The following SLC29A3 variants were observed in gnomAD, a reference collection of about 807,000 sequenced individuals.
The protein encoded by SLC29A3 is solute carrier family 29 member 3, also known as equilibrative nucleoside transporter 3.
In SLC29A3, 18 loss-of-function variants were observed where a neutral mutation model predicts 25.4. That is an observed-to-expected ratio of 0.71 (90% CI 0.49 to 1.05). The LOEUF (loss-of-function observed/expected upper bound fraction) is 1.05. Ranked by LOEUF, SLC29A3 falls within the 50% of genes least tolerant of loss-of-function variation. SLC29A3 has a pLI of 0.00. For missense variants in SLC29A3, 586 were observed against 609.0 expected (o/e 0.96, Z 0.40); for synonymous variants, 258 against 267.1 (o/e 0.97, Z 0.33).
chr10:71,362,681 C>A lies in SLC29A3; in HGVS notation c.*73C>A. On this transcript the variant is annotated 3_prime_UTR_variant, in exon 6 of 6. Coordinates refer to ENST00000373189, the MANE Select transcript of SLC29A3 (RefSeq NM_018344.6). ...AAGAGAGTGCAGGAGGGCTGGGGGC[C>A]ATGGAGGAAAGGCCTAAAGTTTCAC... 6.3e-7 allele frequency: 1 copy of A among 1,598,148 alleles called. No homozygotes were observed.
intron 2 of SLC29A3, among the ~76,000 whole-genome samples, chr10:71,341,100 A>G (rs1162681416): frequency 1.3e-5 from 2 of 151,956 alleles, no homozygotes; most frequent in Admixed American, 6.6e-5. Context: ...CCTGCCTCTC[A>G]TTGGTTAAAG....
In SLC29A3 at chr10:71,351,601, C is replaced by T; in HGVS notation, c.423C>T (p.Val141=). ...TCCGTGTCCTGGCCTCACTGACGGT[C>T]ATCCTGGCCATCTTCATGGTGATAA... ...VHIRVLASLT[V]ILAIFMVITA... The change falls in exon 4 of 6, where the codon GTC becomes GTT. Residue 141 remains valine (V), a synonymous_variant. Transcript: ENST00000373189. 1 of 1,614,236 alleles carries T rather than the reference C, an allele frequency of 6.2e-7. No individual in the cohort carries two copies. Among genetic ancestry groups the T allele is most frequent in the Non-Finnish European group, 8.5e-7 (1 of 1,180,050 alleles).
In SLC29A3 at chr10:71,319,276, G is replaced by A; in HGVS notation, c.-34G>A. The A allele has an allele frequency of 3.2e-6, 2 of 622,068 alleles. No individual in the cohort carries two copies. Among genetic ancestry groups the A allele is most frequent in the South Asian group, 1.7e-5 (1 of 58,514 alleles). The allele number at this position is 622,068 out of a possible 1,614,324, so 38.5% of individuals were successfully genotyped here. A position where few individuals can be genotyped will look rare whatever the true frequency, so the allele number is the denominator to read the frequency against. Reference sequence around the variant, plus strand: ...CCAAGCCCAGTGGTCCTGGCCGTGCGCCGGAGGCAGCGGCGGCGTGGCGCA... The same window carrying A: ...CCAAGCCCAGTGGTCCTGGCCGTGCACCGGAGGCAGCGGCGGCGTGGCGCA... On this transcript the variant is annotated 5_prime_UTR_variant, in exon 1 of 6. Transcript: ENST00000373189.
intron 5 of SLC29A3, among the ~76,000 whole-genome samples, chr10:71,356,911 A>T (rs1285644250): frequency 6.6e-6 from 1 of 152,206 alleles, no homozygotes; most frequent in Non-Finnish European, 1.5e-5. Flanking sequence ...TATTATTCCC[A>T]TGCACAGATT....
At chr10:71,319,633 C>T (rs1589218213) in intron 1 of SLC29A3, 1 of 327,876 alleles carries the variant, frequency 3.0e-6, no homozygotes. Context: ...TTCTCTCGGT[C>T]CCAGCTGCGG....
intron 2 of SLC29A3, among the ~76,000 whole-genome samples, chr10:71,337,770 C>T (rs1846290951): frequency 6.6e-6 from 1 of 152,224 alleles, no homozygotes; most frequent in Non-Finnish European, 1.5e-5. Flanking sequence ...TTTACCTGGA[C>T]TCTGAGCCTG....
At position 71,351,788 on chromosome 10, in the gene SLC29A3, G is replaced by A. The variant is rs1475254274; in HGVS notation, c.610G>A (p.Gly204Arg). The change falls in exon 4 of 6, where the codon GGA becomes AGA. Residue 204 changes from glycine (G) to arginine (R), a missense_variant and splice_region_variant. Transcript: ENST00000373189. Reference sequence around the variant, plus strand: ...GAGGAACTCCCAGGCACTGATATCAGGTGAGAGCCAGGGTCCGGGCAGCTG... The same window carrying A: ...GAGGAACTCCCAGGCACTGATATCAAGTGAGAGCCAGGGTCCGGGCAGCTG... ...PMRNSQALIS[G>R]GAMGGTVSAV... is the part of the protein sequence containing the mutation. 2.5e-6 allele frequency: 4 copies of A among 1,609,666 alleles called. No homozygotes were observed. Among genetic ancestry groups the A allele is most frequent in the Admixed American group, 1.7e-5 (1 of 59,686 alleles).
intron 2 of SLC29A3, among the ~76,000 whole-genome samples, chr10:71,327,640 G>A (rs1767380099): frequency 6.6e-6 from 1 of 152,116 alleles, no homozygotes; most frequent in East Asian, 1.9e-4. Context: ...GCATTGAGGT[G>A]GACAGATGAT....
intron 4 of SLC29A3, among the ~76,000 whole-genome samples, chr10:71,379,215 C>T (rs1312772583): frequency 6.6e-6 from 1 of 152,224 alleles, no homozygotes; most frequent in Non-Finnish European, 1.5e-5. Context: ...ATGTTTTGCT[C>T]TCTTGTCATT....
intron 2 of SLC29A3, among the ~76,000 whole-genome samples, chr10:71,343,582 C>A (rs1467287864): frequency 6.6e-6 from 1 of 152,174 alleles, no homozygotes; most frequent in East Asian, 1.9e-4. Flanking sequence ...AACAGAGTTT[C>A]CCTGTAGGGA....
intron 4 of SLC29A3, among the ~76,000 whole-genome samples, chr10:71,378,892 A>G (rs1847281100): frequency 6.6e-6 from 1 of 152,132 alleles, no homozygotes; most frequent in Non-Finnish European, 1.5e-5. Flanking sequence ...CTTCTAATAA[A>G]CGACTTGCAC....
intron 1 of SLC29A3, 88 bp from the exon 2 acceptor site, chr10:71,322,668 T>G: frequency 6.7e-7 from 1 of 1,500,534 alleles, no homozygotes; most frequent in Non-Finnish European, 9.2e-7. Flanking sequence ...GGCATGGTCA[T>G]TTTGTAGGCT....
intron 2 of SLC29A3, among the ~76,000 whole-genome samples, chr10:71,331,298 G>A (rs1209091422): frequency 6.6e-6 from 1 of 152,172 alleles, no homozygotes. Context: ...GCATCGTGGA[G>A]GATGGGGGGA....
At chr10:71,324,786 A>G (rs768272742) in intron 2 of SLC29A3, among the ~76,000 whole-genome samples, 3 of 152,008 alleles carry the variant, frequency 2.0e-5, no homozygotes, top group Non-Finnish European at 4.4e-5. Context: ...GGAATGAGGA[A>G]CTTGATCAGA....
chr10:71,351,508 C>T (rs1293594824), intron 3 of SLC29A3, 54 bp from the exon 4 acceptor site: 25 of 1,552,960 alleles, frequency 1.6e-5, no homozygotes, highest in Non-Finnish European at 1.8e-5. Flanking sequence ...CCAGCCCCAG[C>T]CCACACAGGA....
At chr10:71,331,630 T>C (rs747456238) in intron 2 of SLC29A3, among the ~76,000 whole-genome samples, 1 of 152,194 alleles carries the variant, frequency 6.6e-6, no homozygotes, top group African/African-American at 2.4e-5. Flanking sequence ...AAGGATTAAA[T>C]AGAATAAAAT....
chr10:71,360,134 C>CT lies in SLC29A3; in HGVS notation c.774-1793dup, dbSNP rs10532475. Among the ~76,000 whole-genome samples, 146 of 71,452 alleles carry CT rather than the reference C, an allele frequency of 2.0e-3. 9 individuals carry two copies. In the South Asian group the frequency reaches 0.028, roughly 14 times the overall value. 46.9% of individuals were successfully genotyped at this position (71,452 alleles called of 152,430 possible). A position where few individuals can be genotyped will look rare whatever the true frequency, so the allele number is the denominator to read the frequency against. On this transcript the variant is annotated intron_variant, in intron 5 of 5. Transcript: ENST00000373189. ...TGCTCCAGGAACCTGTCTTCTTCTT[C>CT]TTTTTTTTTTTTTTTTTTTTTTTTT...
At chr10:71,333,705 G>C (rs1409434909) in intron 2 of SLC29A3, among the ~76,000 whole-genome samples, 1 of 152,244 alleles carries the variant, frequency 6.6e-6, no homozygotes, top group Non-Finnish European at 1.5e-5. Context: ...TTCTTGAAAG[G>C]CCTTCTTCCT....
At chr10:71,350,278 C>T (rs1228304876) in intron 3 of SLC29A3, among the ~76,000 whole-genome samples, 1 of 149,198 alleles carries the variant, frequency 6.7e-6, no homozygotes, top group Non-Finnish European at 1.5e-5. Context: ...TGAAAAAATT[C>T]CTTTCTTGCT....
Sources: gnomAD v4.1 joint callset for allele counts (sites outside exome capture counted in the v4.1 genomes callset) on GRCh38, gnomAD v4.1.1 for gene constraint, MANE v1.5 for transcripts, NCBI Gene and HGNC (gene_info 2026-07-23, HGNC 2026-07-21) for gene names.